COQ8A: variants seen among roughly 807,000 people sequenced by gnomAD.
COQ8A encodes atypical kinase COQ8A, mitochondrial.
A neutral mutation model predicts 65.0 loss-of-function variants in COQ8A; 51 were observed. The observed-to-expected ratio is 0.78, with a 90% confidence interval of 0.63 to 0.99. The LOEUF is 0.99. Among genes scored for constraint, COQ8A ranks in the 50% least tolerant of loss-of-function variants. COQ8A has a pLI of 0.00. For synonymous variants in COQ8A, 371 were observed against 353.2 expected, an observed-to-expected ratio of 1.05 and a Z score of -0.57; for missense variants, 940 against 875.0, an observed-to-expected ratio of 1.07 and a Z score of -0.94.
At chr1:226,952,851 C>G (rs1436255524) in intron 1 of COQ8A, among the ~76,000 whole-genome samples, 1 of 152,148 alleles carries the variant, frequency 6.6e-6, no homozygotes, top group Non-Finnish European at 1.5e-5. Flanking sequence ...TGTCTTCCCA[C>G]CACTGCATGA....
chr1:226,980,807 G>A (rs1659637384), intron 5 of COQ8A, among the ~76,000 whole-genome samples: 2 of 152,200 alleles, frequency 1.3e-5, no homozygotes, highest in South Asian at 2.1e-4. Flanking sequence ...GGTCTTCTCC[G>A]AGGCTCCTCT....
intron 10 of COQ8A, 97 bp from the exon 11 acceptor site, chr1:226,983,997 G>T: frequency 6.5e-7 from 1 of 1,539,034 alleles, no homozygotes; most frequent in Non-Finnish European, 8.8e-7. Flanking sequence ...CCTGCCTGGG[G>T]TGAAGGAGGG....
intron 5 of COQ8A, among the ~76,000 whole-genome samples, chr1:226,978,311 CCA>C (rs1311966234): frequency 6.2e-5 from 9 of 145,074 alleles, no homozygotes; most frequent in African/African-American, 2.3e-4. Context: ...CACCCACCCA[CCA>C]CACACCTGCA....
rs1188760746 is a variant in COQ8A, at chr1:226,986,681, A to G, written c.1888A>G (p.Lys630Glu). ...CSKLKARFPCKAMFEEAYSNY... is the reference protein window; with the variant it reads ...CSKLKARFPCEAMFEEAYSNY... ...CAAGCTGAAGGCCCGCTTCCCCTGC[A>G]AGGCCATGTTCGAGGAGGCCTACAG... Residue 630 changes from lysine to glutamate, a missense_variant, in exon 15 of 15, where the codon AAG becomes GAG. Lys to Glu is a moderately conservative substitution (Grantham distance 56). Coordinates refer to ENST00000366777, the MANE Select transcript of COQ8A (RefSeq NM_020247.5). 1.2e-6 allele frequency: 2 copies of G among 1,614,022 alleles called. No homozygotes were observed. The highest frequency in any genetic ancestry group is 2.7e-5 in the African/African-American group (2 of 74,952).
chr1:226,947,912 A>G (rs948120162), intron 1 of COQ8A, among the ~76,000 whole-genome samples: 3 of 152,174 alleles, frequency 2.0e-5, no homozygotes, highest in Non-Finnish European at 4.4e-5. Flanking sequence ...TCTGTGGGGT[A>G]GTCTACCACC....
chr1:226,962,431 C>T (rs566628133), intron 2 of COQ8A, among the ~76,000 whole-genome samples: 2 of 152,352 alleles, frequency 1.3e-5, no homozygotes, highest in Admixed American at 1.3e-4. Context: ...GAGCACGGCC[C>T]ACCATGGCGT....
chr1:226,973,263 G>A (rs557252236), intron 4 of COQ8A, among the ~76,000 whole-genome samples: 1 of 152,334 alleles, frequency 6.6e-6, no homozygotes, highest in African/African-American at 2.4e-5. Context: ...GCAGGGGTGC[G>A]GGAGTGTAGT....
chr1:226,978,060 A>G (rs1442699016), intron 5 of COQ8A, among the ~76,000 whole-genome samples: 1 of 127,948 alleles, frequency 7.8e-6, no homozygotes, highest in Non-Finnish European at 1.6e-5. Flanking sequence ...CACCCACCGA[A>G]CACCCGCACA....
intron 1 of COQ8A, among the ~76,000 whole-genome samples, chr1:226,961,116 G>A (rs989917385): frequency 1.4e-4 from 21 of 152,180 alleles, no homozygotes; most frequent in East Asian, 7.7e-4. Context: ...TGAGGCCCAG[G>A]TGAGGAAATG....
chr1:226,946,623 G>T lies in COQ8A; in HGVS notation c.-10+6224G>T, dbSNP rs565541059. Among the ~76,000 whole-genome samples the T allele has an allele frequency of 2.0e-4, 31 of 152,314 alleles. No homozygotes were observed. The highest frequency in any genetic ancestry group is 1.9e-3 in the South Asian group (9 of 4,832). ...ATTTCTCGTTGCGTGTGTGGTTGTT[G>T]TCTGTCTAGGATTGCCCCTTGTCTG... is the stretch of plus-strand genomic sequence containing the variant. On this transcript the variant is annotated intron_variant, in intron 1 of 14. Transcript: ENST00000366777. This position sits in a 1 kb window ranked among gnomAD's most constrained non-coding sequence, Gnocchi z 5.3.
chr1:226,953,026 T>A (rs2148019512), intron 1 of COQ8A, among the ~76,000 whole-genome samples: 1 of 152,260 alleles, frequency 6.6e-6, no homozygotes, highest in South Asian at 2.1e-4. Flanking sequence ...CAGTGTTATT[T>A]TATTTTATTT....
chr1:226,945,133 A>G (rs549287445), intron 1 of COQ8A, among the ~76,000 whole-genome samples: 1 of 152,310 alleles, frequency 6.6e-6, no homozygotes, highest in Admixed American at 6.5e-5. Context: ...CCAGGGATGC[A>G]TGGCCCTTTC....
In COQ8A at chr1:226,977,530, C is replaced by G. The variant is rs370924314; in HGVS notation, c.730+7C>G. On this transcript the variant is annotated splice_region_variant and intron_variant, in intron 5 of 14. Coordinates refer to ENST00000366777, the MANE Select transcript of COQ8A (RefSeq NM_020247.5). ...CGCTCCGAGGACCCCTCAGGTGAGC[C>G]GGGCCCTTCAGTGGGAGGGGCAGGG... 1.7e-5 allele frequency: 26 copies of G among 1,554,896 alleles called. No homozygotes were observed. The Admixed American group carries it at 4.1e-4, about 25-fold the overall frequency.
In COQ8A at chr1:226,985,177, G is replaced by C. The variant is rs1417241510; in HGVS notation, c.1573-77G>C. On this transcript the variant is annotated intron_variant, in intron 13 of 14. Coordinates refer to ENST00000366777, the MANE Select transcript of COQ8A (RefSeq NM_020247.5). ...GGATGAGGGTGGGGTGGGCTCGGGT[G>C]TGGCACTTGGCTCCCTGGGATGTCG... is the stretch of plus-strand genomic sequence containing the variant. 4.6e-6 allele frequency: 7 copies of C among 1,506,984 alleles called. No individual in the cohort carries two copies. In the Admixed American group the frequency reaches 8.4e-5, roughly 18 times the overall value. The allele number at this position is 1,506,984 out of a possible 1,614,324, so 93.4% of individuals were successfully genotyped here.
chr1:226,974,551 T>A (rs1659080298), intron 4 of COQ8A, among the ~76,000 whole-genome samples: 1 of 152,196 alleles, frequency 6.6e-6, no homozygotes, highest in Admixed American at 6.5e-5. Flanking sequence ...TGGAGTTGCC[T>A]CCAGTGCTGG....
At chr1:226,967,674 G>C (rs1202738879) in intron 4 of COQ8A, among the ~76,000 whole-genome samples, 2 of 152,212 alleles carry the variant, frequency 1.3e-5, no homozygotes, top group Non-Finnish European at 2.9e-5. Context: ...CAGAGGGTGG[G>C]GGATTATGGG....
intron 14 of COQ8A, among the ~76,000 whole-genome samples, chr1:226,985,678 G>A (rs775258258): frequency 1.3e-5 from 2 of 152,220 alleles, no homozygotes; most frequent in Non-Finnish European, 2.9e-5. Context: ...GAGCCTCCCT[G>A]GGGGGAGTTG....
At chr1:226,950,459 G>A (rs1657309877) in intron 1 of COQ8A, among the ~76,000 whole-genome samples, 1 of 152,226 alleles carries the variant, frequency 6.6e-6, no homozygotes, top group Non-Finnish European at 1.5e-5. Context: ...GAGCCATGAT[G>A]GATCCAGGTC....
chr1:226,940,770 C>A (rs1656640965), intron 1 of COQ8A, among the ~76,000 whole-genome samples: 2 of 152,218 alleles, frequency 1.3e-5, no homozygotes, highest in African/African-American at 4.8e-5. Context: ...TTTGATGCTT[C>A]GCTTTCTAAT....
Sources: gnomAD v4.1 joint callset for allele counts (sites outside exome capture counted in the v4.1 genomes callset) on GRCh38, gnomAD v4.1.1 for gene constraint, Gnocchi (gnomAD v3.1) non-coding constraint, MANE v1.5 for transcripts, NCBI Gene and HGNC (gene_info 2026-07-23, HGNC 2026-07-21) for gene names.